Variants in GUCY2C observed in about 807,000 individuals in gnomAD.
GUCY2C encodes guanylate cyclase 2C.
A neutral mutation model predicts 131.1 loss-of-function variants in GUCY2C; 118 were observed. The observed-to-expected ratio is 0.90, with a 90% confidence interval of 0.78 to 1.05. GUCY2C has a LOEUF of 1.05. Ranked by LOEUF, GUCY2C falls within the 50% of genes least tolerant of loss-of-function variation. GUCY2C has a pLI of 0.00. For missense variants in GUCY2C, 1,161 were observed against 1,304.4 expected (o/e 0.89, Z 1.69); for synonymous variants, 452 against 457.8 (o/e 0.99, Z 0.16).
chr12:14,628,717 GT>G lies in GUCY2C; in HGVS notation c.2177del (p.Asn726ThrfsTer39). On this transcript the variant is annotated frameshift_variant, in exon 20 of 27. Coordinates refer to ENST00000261170, the MANE Select transcript of GUCY2C (RefSeq NM_004963.4). LOFTEE classifies it high-confidence loss of function. ...TCTTTTCTGGATCTTCCTCCCAACA[GT>G]TTTTTACAAGTAGGTACACCTGGAA... ...KELEVYLLVK[N>X]CWEEDPEKRP... is the part of the protein sequence containing the mutation. 1 of 1,588,626 alleles carries G rather than the reference GT, an allele frequency of 6.3e-7. No individual in the cohort carries two copies. The highest frequency in any genetic ancestry group is 8.6e-7 in the Non-Finnish European group (1 of 1,158,860).
At chr12:14,684,289 A>C (rs1340846113) in intron 3 of GUCY2C, among the ~76,000 whole-genome samples, 3 of 152,148 alleles carry the variant, frequency 2.0e-5, no homozygotes, top group East Asian at 3.9e-4. Flanking sequence ...TGGTTAATAC[A>C]GAGTTCTTCA....
intron 11 of GUCY2C, among the ~76,000 whole-genome samples, chr12:14,660,194 ACTGTTGT>A (rs1162887178): frequency 6.6e-6 from 1 of 152,188 alleles, no homozygotes. Context: ...CACAGATAAA[ACTGTTGT>A]CTTGTTTAGC....
At chr12:14,669,239 T>C (rs1360103888) in intron 10 of GUCY2C, among the ~76,000 whole-genome samples, 1 of 150,588 alleles carries the variant, frequency 6.6e-6, no homozygotes, top group Non-Finnish European at 1.5e-5. Flanking sequence ...AGGATCTCAC[T>C]CTGTTGCCCA....
intron 13 of GUCY2C, 133 bp from the exon 14 acceptor site, chr12:14,652,163 A>ATTTATT: frequency 4.8e-6 from 1 of 206,296 alleles, no homozygotes; most frequent in Non-Finnish European, 9.4e-6. Flanking sequence ...TTGATTTTTT[A>ATTTATT]TATTTATTTA....
At chr12:14,646,581 A>G (rs912846429) in intron 15 of GUCY2C, among the ~76,000 whole-genome samples, 1 of 152,238 alleles carries the variant, frequency 6.6e-6, no homozygotes, top group South Asian at 2.1e-4. Context: ...ATTGCACAAT[A>G]TAAAAAAGAA....
chr12:14,620,893 G>A, intron 23 of GUCY2C, 149 bp downstream of exon 23: 1 of 620,632 alleles, frequency 1.6e-6, no homozygotes, highest in Non-Finnish European at 2.8e-6. Flanking sequence ...ATCTCAGGAT[G>A]CATAGTGGGA....
chr12:14,682,287 A>G (rs1948361724), intron 4 of GUCY2C, among the ~76,000 whole-genome samples: 1 of 152,182 alleles, frequency 6.6e-6, no homozygotes, highest in South Asian at 2.1e-4. Flanking sequence ...TAATTGAACC[A>G]TGGGGGTGGT....
chr12:14,619,706 A>T (rs770323534), intron 23 of GUCY2C: 11 of 162,824 alleles, frequency 6.8e-5, no homozygotes, highest in Non-Finnish European at 1.1e-4. Flanking sequence ...TGAAGCTTCA[A>T]TGGCTCAAGT....
chr12:14,628,660 A>C lies in GUCY2C; in HGVS notation c.2235T>G (p.Leu745=), dbSNP rs1381415139. The part of the protein sequence containing the change: ...RPDFKKIETT[L]AKIFGLFHDQ... ...TTCAGCAATACCCAAATATCTTGGC[A>C]AGTGTAGTCTCAATTTTTTTGAAAT... The change falls in exon 20 of 27, where the codon CTT becomes CTG. Residue 745 remains leucine (L), a synonymous_variant. Transcript: ENST00000261170. The C allele has an allele frequency of 6.5e-7, 1 of 1,549,358 alleles. No individual in the cohort carries two copies. The highest frequency in any genetic ancestry group is 1.1e-5 in the South Asian group (1 of 89,716).
At chr12:14,617,580 C>A (rs1946795633) in intron 24 of GUCY2C, among the ~76,000 whole-genome samples, 1 of 152,156 alleles carries the variant, frequency 6.6e-6, no homozygotes, top group Admixed American at 6.5e-5. Flanking sequence ...AAATTTCCTT[C>A]TTCTGGAACA....
chr12:14,641,070 G>A lies in GUCY2C; in HGVS notation c.2068+12C>T. 6.2e-7 allele frequency: 1 copy of A among 1,612,822 alleles called. No individual in the cohort carries two copies. Among genetic ancestry groups the A allele is most frequent in the Non-Finnish European group, 8.5e-7 (1 of 1,179,584 alleles). On this transcript the variant is annotated intron_variant, in intron 18 of 26. Coordinates refer to ENST00000261170, the MANE Select transcript of GUCY2C (RefSeq NM_004963.4). ...ACTCCCAGAGGGGACACATGAATGG[G>A]TTTAGATGTACCATTCCGGTCCCGA...
chr12:14,645,890 C>T (rs1327320316), intron 15 of GUCY2C, among the ~76,000 whole-genome samples: 1 of 151,272 alleles, frequency 6.6e-6, no homozygotes, highest in East Asian at 1.9e-4. Context: ...GGCTGGCATG[C>T]AGTGGCACAA....
intron 19 of GUCY2C, among the ~76,000 whole-genome samples, chr12:14,634,354 C>A (rs1378523185): frequency 6.6e-6 from 1 of 152,168 alleles, no homozygotes; most frequent in African/African-American, 2.4e-5. Flanking sequence ...AAATTCATCA[C>A]CCCTAGACCT....
intron 16 of GUCY2C, among the ~76,000 whole-genome samples, chr12:14,644,242 G>A (rs1947467252): frequency 6.6e-6 from 1 of 152,132 alleles, no homozygotes; most frequent in Non-Finnish European, 1.5e-5. Context: ...CCAGCACTTT[G>A]GGAGGCCGAG....
rs187770159 is a variant in GUCY2C at position 14,633,404 on chromosome 12, C to T, written c.2158-4667G>A. Among the ~76,000 whole-genome samples the T allele has an allele frequency of 6.6e-5, 10 of 152,212 alleles. No individual in the cohort carries two copies. In the East Asian group the frequency reaches 1.9e-3, roughly 29 times the overall value. ...CCAACCAATACTATAGATACATCTT[C>T]AGGAAAAAAGTCCTCCCCTATGAAA... On this transcript the variant is annotated intron_variant, in intron 19 of 26. Coordinates refer to ENST00000261170, the MANE Select transcript of GUCY2C (RefSeq NM_004963.4).
chr12:14,660,480 G>T (rs1239437347), intron 11 of GUCY2C, among the ~76,000 whole-genome samples: 3 of 151,968 alleles, frequency 2.0e-5, no homozygotes, highest in African/African-American at 4.8e-5. Context: ...TGACTTTCTG[G>T]GTTCTCTTTC....
At position 14,674,558 on chromosome 12, in the gene GUCY2C, C is replaced by T. The variant is rs777140722; in HGVS notation, c.1084+67G>A. On this transcript the variant is annotated intron_variant, in intron 8 of 26. Coordinates refer to ENST00000261170, the MANE Select transcript of GUCY2C (RefSeq NM_004963.4). ...ATCTATTGCTAAACCTTCTTTGTTG[C>T]CCCAAATCCACTCAGAAAGCCTACA... 4.1e-6 allele frequency: 6 copies of T among 1,453,116 alleles called. 1 individual carries two copies. The South Asian group carries it at 6.8e-5, about 17-fold the overall frequency. 90.0% of individuals were successfully genotyped at this position (1,453,116 alleles called of 1,614,324 possible). A position where few individuals can be genotyped will look rare whatever the true frequency, so the allele number is the denominator to read the frequency against.
intron 1 of GUCY2C, among the ~76,000 whole-genome samples, chr12:14,692,850 GAATA>G (rs930929576): frequency 2.6e-5 from 4 of 151,756 alleles, no homozygotes; most frequent in African/African-American, 4.8e-5. Flanking sequence ...ACTCTGTCCC[GAATA>G]AATAAATAAA....
chr12:14,689,702 G>A (rs1038617677), intron 1 of GUCY2C, among the ~76,000 whole-genome samples: 7 of 152,172 alleles, frequency 4.6e-5, no homozygotes, highest in Non-Finnish European at 8.8e-5. Flanking sequence ...ACTCACGCAT[G>A]AGGGAATGGC....
Sources: gnomAD v4.1 joint callset for allele counts (sites outside exome capture counted in the v4.1 genomes callset) on GRCh38, gnomAD v4.1.1 for gene constraint, MANE v1.5 for transcripts, NCBI Gene and HGNC (gene_info 2026-07-23, HGNC 2026-07-21) for gene names.